The following PLEKHN1 variants were observed in gnomAD, a reference collection of about 807,000 sequenced individuals.
PLEKHN1 encodes pleckstrin homology domain containing N1, also known as pleckstrin homology domain-containing family N member 1.
A neutral mutation model predicts 72.8 loss-of-function variants in PLEKHN1; 68 were observed. The ratio of observed to expected loss-of-function variants is 0.93; its 90% confidence interval spans 0.77 to 1.14. The LOEUF (loss-of-function observed/expected upper bound fraction) is 1.14, where lower values mean the gene tolerates loss of function less well. Ranked by LOEUF, PLEKHN1 falls within the 50% of genes most tolerant of loss-of-function variation. The pLI is 0.00. For synonymous variants in PLEKHN1, 454 were observed against 371.6 expected (o/e 1.22, Z -2.55); for missense variants, 1,015 against 840.5 (o/e 1.21, Z -2.57).
intron 2 of PLEKHN1, among the ~76,000 whole-genome samples, chr1:967,398 G>A (rs1279422689): frequency 6.6e-6 from 1 of 150,506 alleles, no homozygotes; most frequent in Non-Finnish European, 1.5e-5. Context: ...GCCCCTGTGG[G>A]ACTAAGGGTC....
At chr1:974,103 G>C in intron 14 of PLEKHN1, 52 bp downstream of exon 14, 1 of 1,527,442 alleles carries the variant, frequency 6.5e-7, no homozygotes, top group Non-Finnish European at 8.8e-7. Flanking sequence ...CTGGCCGGGG[G>C]TCTGGTGTGG....
At chr1:972,036 G>C (rs1461948086) in intron 8 of PLEKHN1, 39 bp from the exon 9 acceptor site, 1 of 1,594,388 alleles carries the variant, frequency 6.3e-7, no homozygotes, top group African/African-American at 1.3e-5. Context: ...CCCCGGGGCT[G>C]CCCCTACAAA....
rs1643561506 is a variant in PLEKHN1 at position 975,398 on chromosome 1, C to T, written c.*823C>T. On this transcript the variant is annotated 3_prime_UTR_variant, in exon 16 of 16. Coordinates refer to ENST00000379410, the MANE Select transcript of PLEKHN1 (RefSeq NM_032129.3). The stretch of plus-strand genomic sequence containing the variant: ...TGGGTCCCCAGCTGCCCCACAGGAG[C>T]CCCCGGGACAACCCCAGGAGCCCAG... The T allele has an allele frequency of 6.6e-6, 1 of 152,256 alleles. No homozygotes were observed. The highest frequency in any genetic ancestry group is 2.1e-4 in the South Asian group (1 of 4,830). 9.4% of individuals were successfully genotyped at this position (152,256 alleles called of 1,614,324 possible).
Position 970,860 on chromosome 1 carries a change from C to T in PLEKHN1, c.485-19C>T. ...GAGCACGTGTGTGTATGTGTGTGCC[C>T]TCTCTGCCCTGCCCGCAGGCCCACT... is the stretch of plus-strand genomic sequence containing the variant. On this transcript the variant is annotated intron_variant, in intron 5 of 15. Coordinates refer to ENST00000379410, the MANE Select transcript of PLEKHN1 (RefSeq NM_032129.3). This position sits in a 1 kb window ranked among gnomAD's most constrained non-coding sequence, Gnocchi z 4.2. The T allele has an allele frequency of 6.2e-7, 1 of 1,612,058 alleles. No individual in the cohort carries two copies. The highest frequency in any genetic ancestry group is 8.5e-7 in the Non-Finnish European group (1 of 1,179,938).
intron 2 of PLEKHN1, 149 bp downstream of exon 2, chr1:966,952 C>T: frequency 4.6e-6 from 4 of 860,620 alleles, no homozygotes; most frequent in Non-Finnish European, 6.9e-6. Flanking sequence ...CTGCCCCGCC[C>T]TGGGGAGCTC....
chr1:974,413 G>A, intron 15 of PLEKHN1, 29 bp from the exon 16 acceptor site: 1 of 1,612,948 alleles, frequency 6.2e-7, no homozygotes, highest in Admixed American at 1.7e-5. Context: ...GCCTCCCACA[G>A]GCTGACACAT....
At position 971,406 on chromosome 1, in the gene PLEKHN1, T is replaced by C. The variant is rs368307925; in HGVS notation, c.789+2T>C. 1.5e-5 allele frequency: 23 copies of C among 1,574,130 alleles called. No homozygotes were observed. The highest frequency in any genetic ancestry group is 2.0e-5 in the Non-Finnish European group (23 of 1,161,166). ...GAGCTGGACGGGCTTTGCTTCAAGG[T>C]GGGCCCCTCCCCACTGTGGGCCCGC... On this transcript the variant is annotated splice_donor_variant, in intron 8 of 15. Coordinates refer to ENST00000379410, the MANE Select transcript of PLEKHN1 (RefSeq NM_032129.3). LOFTEE classifies it high-confidence loss of function.
Position 973,713 on chromosome 1 carries a change from C to T in PLEKHN1, c.1434+73C>T, listed in dbSNP as rs565203392. 2.5e-4 allele frequency: 390 copies of T among 1,577,354 alleles called. 1 individual carries two copies. In the East Asian group the frequency reaches 2.5e-3, roughly 10 times the overall value. On this transcript the variant is annotated intron_variant, in intron 13 of 15. Coordinates refer to ENST00000379410, the MANE Select transcript of PLEKHN1 (RefSeq NM_032129.3). ...TGAGGCTGGGGAGGTCTAGACCGTGCGTCTCACCCTGGGGTCTGGGGCTGC... is the reference window on the plus strand; with the variant it reads ...TGAGGCTGGGGAGGTCTAGACCGTGTGTCTCACCCTGGGGTCTGGGGCTGC...
Position 966,548 on chromosome 1 carries a change from G to T in PLEKHN1, c.17G>T (p.Cys6Phe). The T allele has an allele frequency of 6.2e-7, 1 of 1,609,146 alleles. No individual in the cohort carries two copies. Among genetic ancestry groups the T allele is most frequent in the Non-Finnish European group, 8.5e-7 (1 of 1,177,250 alleles). MGNSH[C>F]VPQAPRRLRA... ...ACTCTGGCCATGGGGAACAGCCACT[G>T]TGTCCCTCAGGCCCCCAGGAGGCTC... The change falls in exon 1 of 16, where the codon TGT (cysteine) becomes TTT (phenylalanine). Residue 6 changes from cysteine to phenylalanine, a missense_variant. Transcript: ENST00000379410.
In PLEKHN1 at chr1:972,383, G is replaced by A. The variant is rs771322233; in HGVS notation, c.961G>A (p.Ala321Thr). The A allele has an allele frequency of 1.3e-6, 2 of 1,564,214 alleles. No individual in the cohort carries two copies. The highest frequency in any genetic ancestry group is 1.2e-5 in the South Asian group (1 of 85,524). ...TCGCGCTGTCACCCACAGGGAGGGG[G>A]CCCCGCCGCTGCCTGGTGCCGAGAG... ...CLRAVTHREG[A>T]PPLPGAESFP... is the part of the protein sequence containing the mutation. Residue 321 changes from alanine to threonine, a missense_variant, in exon 10 of 16, where the codon GCC becomes ACC. By Grantham distance (58) the Ala-to-Thr change is moderately conservative (BLOSUM62 0). Coordinates refer to ENST00000379410, the MANE Select transcript of PLEKHN1 (RefSeq NM_032129.3).
At position 973,943 on chromosome 1, in the gene PLEKHN1, T is replaced by G. The variant is rs1157220541; in HGVS notation, c.1545T>G (p.Ala515=). ...CTCGCTCCTGCTCCTCCGGCCCCGC[T>G]GGCCCCTACTTGCTCTCCAAGAAGG... is the stretch of plus-strand genomic sequence containing the variant. The part of the protein sequence containing the change: ...SDPRSCSSGP[A]GPYLLSKKGA... Residue 515 remains alanine, a synonymous_variant, in exon 14 of 16, where the codon GCT becomes GCG. Transcript: ENST00000379410. The G allele has an allele frequency of 1.2e-5, 19 of 1,610,906 alleles. No individual in the cohort carries two copies. The highest frequency in any genetic ancestry group is 1.6e-5 in the Non-Finnish European group (19 of 1,179,826).
At position 975,369 on chromosome 1, in the gene PLEKHN1, G is replaced by A. The variant is rs941041645; in HGVS notation, c.*794G>A. The A allele has an allele frequency of 6.6e-6, 1 of 152,322 alleles. No individual in the cohort carries two copies. Among genetic ancestry groups the A allele is most frequent in the Non-Finnish European group, 1.5e-5 (1 of 68,202 alleles). The allele number at this position is 152,322 out of a possible 1,614,324, so 9.4% of individuals were successfully genotyped here. ...CCCACCTCATCTCTGACTCCTCTTG[G>A]CTGTGGGTCCCCAGCTGCCCCACAG... is the stretch of plus-strand genomic sequence containing the variant. On this transcript the variant is annotated 3_prime_UTR_variant, in exon 16 of 16. Transcript: ENST00000379410.
At chr1:968,558 C>A (rs1478345229) in intron 2 of PLEKHN1, among the ~76,000 whole-genome samples, 1 of 152,178 alleles carries the variant, frequency 6.6e-6, no homozygotes, top group South Asian at 2.1e-4. Context: ...CAGCAGTGAA[C>A]GGAATAGACA....
chr1:974,424 C>T lies in PLEKHN1; in HGVS notation c.1703-18C>T. 6.2e-7 allele frequency: 1 copy of T among 1,612,926 alleles called. No individual in the cohort carries two copies. The highest frequency in any genetic ancestry group is 8.5e-7 in the Non-Finnish European group (1 of 1,179,964). On this transcript the variant is annotated intron_variant, in intron 15 of 15. Coordinates refer to ENST00000379410, the MANE Select transcript of PLEKHN1 (RefSeq NM_032129.3). ...TGTTGCCTCCCACAGGCTGACACAT[C>T]TCTGCCTTCCCTACCAGATGGTCGG...
chr1:971,673 G>A, intron 8 of PLEKHN1: 1 of 595,612 alleles, frequency 1.7e-6, no homozygotes. Context: ...ACTCCCTTGT[G>A]TGTGCCTGCC....
Position 973,901 on chromosome 1 carries a change from T to C in PLEKHN1, c.1503T>C (p.Ser501=). ...PSSPLPSVPV[S]VPASDPRSCS... The stretch of plus-strand genomic sequence containing the variant: ...GCCCACTCCCCTCGGTGCCTGTGTC[T>C]GTGCCTGCCTCTGACCCTCGCTCCT... The change falls in exon 14 of 16, where the codon TCT becomes TCC. Residue 501 remains serine, a synonymous_variant. Transcript: ENST00000379410. 6.2e-7 allele frequency: 1 copy of C among 1,611,318 alleles called. No homozygotes were observed. Among genetic ancestry groups the C allele is most frequent in the Middle Eastern group, 1.9e-4 (1 of 5,208 alleles).
intron 11 of PLEKHN1, 21 bp from the exon 12 acceptor site, chr1:973,165 G>A (rs755457620): frequency 6.7e-7 from 1 of 1,502,506 alleles, no homozygotes; most frequent in South Asian, 1.3e-5. Flanking sequence ...GCTCTTCCTG[G>A]AAGGTTTGTG....
In PLEKHN1 at chr1:973,911, T is replaced by C. The variant is rs756948860; in HGVS notation, c.1513T>C (p.Ser505Pro). Residue 505 changes from serine to proline, a missense_variant, in exon 14 of 16, where the codon TCT (serine) becomes CCT (proline). Ser to Pro is a moderately conservative substitution (Grantham distance 74, BLOSUM62 -1). Coordinates refer to ENST00000379410, the MANE Select transcript of PLEKHN1 (RefSeq NM_032129.3). ...LPSVPVSVPA[S>P]DPRSCSSGPA... ...CTCGGTGCCTGTGTCTGTGCCTGCC[T>C]CTGACCCTCGCTCCTGCTCCTCCGG... 1.2e-6 allele frequency: 2 copies of C among 1,611,458 alleles called. No individual in the cohort carries two copies. Among genetic ancestry groups the C allele is most frequent in the Non-Finnish European group, 1.7e-6 (2 of 1,179,920 alleles).
chr1:973,654 T>C lies in PLEKHN1; in HGVS notation c.1434+14T>C. 1 of 1,610,876 alleles carries C rather than the reference T, an allele frequency of 6.2e-7. No individual in the cohort carries two copies. The highest frequency in any genetic ancestry group is 1.7e-5 in the Admixed American group (1 of 59,948). Reference sequence around the variant, plus strand: ...GGCCTGGAGGAGGTCAGGCCCCTGCTGGGTGACAGAAAGGGTGGGAGGTGC... The same window carrying C: ...GGCCTGGAGGAGGTCAGGCCCCTGCCGGGTGACAGAAAGGGTGGGAGGTGC... On this transcript the variant is annotated intron_variant, in intron 13 of 15. Coordinates refer to ENST00000379410, the MANE Select transcript of PLEKHN1 (RefSeq NM_032129.3).
Sources: allele counts gnomAD v4.1 joint callset (sites outside exome capture counted in the v4.1 genomes callset), GRCh38; gene constraint gnomAD v4.1.1; non-coding constraint Gnocchi (gnomAD v3.1); transcripts MANE v1.5; gene names NCBI Gene and HGNC (gene_info 2026-07-23, HGNC 2026-07-21).